The following PTPN12 variants were observed in gnomAD, a reference collection of about 807,000 sequenced individuals.
PTPN12 encodes the protein protein tyrosine phosphatase non-receptor type 12.
In PTPN12, 29 loss-of-function variants were observed where a neutral mutation model predicts 97.6. That is an observed-to-expected ratio of 0.30 (90% CI 0.22 to 0.41). The LOEUF is 0.41. PTPN12 is among the 10% of genes least tolerant of loss of function. PTPN12 has a pLI of 1.00. For synonymous variants in PTPN12, 327 were observed against 300.4 expected (o/e 1.09, Z -0.91); for missense variants, 819 against 926.0 (o/e 0.88, Z 1.50).
intron 11 of PTPN12, among the ~76,000 whole-genome samples, chr7:77,618,215 G>C (rs769720397): frequency 6.6e-6 from 1 of 151,836 alleles, no homozygotes. Flanking sequence ...GTTTTTTTAC[G>C]GTAGCATTTG....
At chr7:77,549,574 G>GT (rs1807385867) in intron 1 of PTPN12, among the ~76,000 whole-genome samples, 1 of 148,354 alleles carries the variant, frequency 6.7e-6, no homozygotes, top group African/African-American at 2.5e-5. Flanking sequence ...TTGGGTTTTT[G>GT]TTTGTTTGTT....
At chr7:77,592,473 T>C (rs986393216) in intron 6 of PTPN12, 3 of 439,256 alleles carry the variant, frequency 6.8e-6, no homozygotes, top group Admixed American at 8.2e-5. Context: ...TCTTACTATA[T>C]TGATTGTGTG....
At chr7:77,637,885 G>A (rs1322557414) in intron 16 of PTPN12, among the ~76,000 whole-genome samples, 1 of 134,830 alleles carries the variant, frequency 7.4e-6, no homozygotes, top group Admixed American at 7.6e-5. Context: ...AACAAGTAGA[G>A]TTATTATTTC....
chr7:77,537,367 A>G lies in PTPN12; in HGVS notation c.-180A>G. The G allele has an allele frequency of 1.3e-6, 1 of 791,370 alleles. No individual in the cohort carries two copies. The highest frequency in any genetic ancestry group is 4.6e-5 in the Admixed American group (1 of 21,512). 49.0% of individuals were successfully genotyped at this position (791,370 alleles called of 1,614,324 possible). A position where few individuals can be genotyped will look rare whatever the true frequency, so the allele number is the denominator to read the frequency against. On this transcript the variant is annotated 5_prime_UTR_variant, in exon 1 of 18. Coordinates refer to ENST00000248594, the MANE Select transcript of PTPN12 (RefSeq NM_002835.4). ...CTGGAAGTTGTGGTGTCGGGAGCCC[A>G]GCCGGTGCCGCCGCAGCCGCCGCCT...
At chr7:77,560,556 C>T (rs1390398003) in intron 1 of PTPN12, among the ~76,000 whole-genome samples, 1 of 152,198 alleles carries the variant, frequency 6.6e-6, no homozygotes, top group Non-Finnish European at 1.5e-5. Flanking sequence ...AACTCATTCT[C>T]CTCCTTCCTC....
chr7:77,588,022 T>G lies in PTPN12; in HGVS notation c.420+2441T>G, dbSNP rs570586928. Among the ~76,000 whole-genome samples the G allele has an allele frequency of 2.0e-5, 3 of 152,352 alleles. No homozygotes were observed. The East Asian group carries it at 5.8e-4, about 29-fold the overall frequency. On this transcript the variant is annotated intron_variant, in intron 5 of 17. Transcript: ENST00000248594. ...TAGAAATGTTGCAGCTGGTTTGATCTTCTATCTAGACCACTAAAACTTTCT... is the reference window on the plus strand; with the variant it reads ...TAGAAATGTTGCAGCTGGTTTGATCGTCTATCTAGACCACTAAAACTTTCT...
rs968139659 is a variant in PTPN12, at chr7:77,639,201, G to T, written c.2282-18G>T. 2.5e-6 allele frequency: 4 copies of T among 1,597,480 alleles called. No individual in the cohort carries two copies. Among genetic ancestry groups the T allele is most frequent in the Non-Finnish European group, 3.4e-6 (4 of 1,166,594 alleles). ...TATTTCTGAACACTGACTAGTTATT[G>T]TGGTGTTTTCACTGTAGGTTTTGGT... On this transcript the variant is annotated intron_variant, in intron 17 of 17. Transcript: ENST00000248594.
chr7:77,604,209 C>CTTTTTTTTTTTTTTTTTTTTTTTTT (rs71082768), intron 8 of PTPN12, among the ~76,000 whole-genome samples: 5 of 52,790 alleles, frequency 9.5e-5, no homozygotes, highest in Admixed American at 3.4e-4. Context: ...TTTTTTCTTC[C>CTTTTTTTTTTTTTTTTTTTTTTTTT]TTTTTTTTTT....
rs139313506 is a variant in PTPN12, at chr7:77,539,347, T to C, written c.99+1702T>C. 2.9e-3 allele frequency among the ~76,000 whole-genome samples: 445 copies of C among 152,306 alleles called. 1 individual carries two copies. Among genetic ancestry groups the C allele is most frequent in the Middle Eastern group, 0.02 (6 of 294 alleles). Reference sequence around the variant, plus strand: ...AATCTAACTTATTCCTTATTAAAAATAAAAATATTGCTTATATTTAAACAT... The same window carrying C: ...AATCTAACTTATTCCTTATTAAAAACAAAAATATTGCTTATATTTAAACAT... On this transcript the variant is annotated intron_variant, in intron 1 of 17. Transcript: ENST00000248594.
rs145330807 is a variant in PTPN12, at chr7:77,554,250, C to T, written c.99+16605C>T. On this transcript the variant is annotated intron_variant, in intron 1 of 17. Transcript: ENST00000248594. ...AAAGTATTGGGATTATAGGCATGAG[C>T]CACTGTGCCCAGCTGGGTGTTTTCA... is the stretch of plus-strand genomic sequence containing the variant. 6.1e-3 allele frequency among the ~76,000 whole-genome samples: 935 copies of T among 152,356 alleles called. 5 individuals are homozygous for T. Among genetic ancestry groups the T allele is most frequent in the Middle Eastern group, 0.037 (11 of 294 alleles).
intron 1 of PTPN12, among the ~76,000 whole-genome samples, chr7:77,567,304 T>A (rs1808305161): frequency 6.6e-6 from 1 of 152,142 alleles, no homozygotes; most frequent in Non-Finnish European, 1.5e-5. Context: ...ATTCTCTTTA[T>A]ATATTTATCA....
At chr7:77,603,486 G>A (rs1472863357) in intron 8 of PTPN12, among the ~76,000 whole-genome samples, 1 of 152,160 alleles carries the variant, frequency 6.6e-6, no homozygotes, top group Non-Finnish European at 1.5e-5. Context: ...ATACAGTATT[G>A]TTTTGTTTTA....
intron 3 of PTPN12, among the ~76,000 whole-genome samples, chr7:77,582,880 A>T (rs1787567933): frequency 6.6e-6 from 1 of 152,210 alleles, no homozygotes; most frequent in African/African-American, 2.4e-5. Flanking sequence ...TAACAAAGTT[A>T]AAAACCAAAA....
chr7:77,559,556 T>G (rs931109485), intron 1 of PTPN12, among the ~76,000 whole-genome samples: 16 of 151,298 alleles, frequency 1.1e-4, no homozygotes, highest in Admixed American at 8.6e-4. Flanking sequence ...GAGATACTAC[T>G]TTAGGTAAAT....
intron 6 of PTPN12, among the ~76,000 whole-genome samples, chr7:77,596,032 G>A (rs181522205): frequency 6.6e-6 from 1 of 152,282 alleles, no homozygotes; most frequent in African/African-American, 2.4e-5. Flanking sequence ...AAAATCATGT[G>A]TTATGGAAAG....
rs117525540 is a variant in PTPN12 at position 77,547,269 on chromosome 7, T to C, written c.99+9624T>C. ...GTTTTTGAATTGACAGTTGAAAACA[T>C]GGCAGTACTCTGTTCAGGAAGTTTA... On this transcript the variant is annotated intron_variant, in intron 1 of 17. Coordinates refer to ENST00000248594, the MANE Select transcript of PTPN12 (RefSeq NM_002835.4). Among the ~76,000 whole-genome samples the C allele has an allele frequency of 5.9e-4, 90 of 152,274 alleles. 1 individual carries two copies. The East Asian group carries it at 0.017, about 29-fold the overall frequency.
At chr7:77,607,211 G>A (rs768493533) in intron 8 of PTPN12, 24 bp from the exon 9 acceptor site, 2 of 1,536,678 alleles carry the variant, frequency 1.3e-6, no homozygotes, top group Non-Finnish European at 1.8e-6. Flanking sequence ...AAAATCAATT[G>A]TTTTTCAAAC....
chr7:77,541,971 A>G (rs1367065942), intron 1 of PTPN12, among the ~76,000 whole-genome samples: 2 of 151,278 alleles, frequency 1.3e-5, no homozygotes, highest in African/African-American at 4.9e-5. Flanking sequence ...ATAAATGTAT[A>G]AAGTAGGGTG....
intron 14 of PTPN12, among the ~76,000 whole-genome samples, chr7:77,633,289 T>G (rs1335256980): frequency 6.6e-6 from 1 of 150,780 alleles, no homozygotes; most frequent in African/African-American, 2.4e-5. Flanking sequence ...AATGCAATTA[T>G]AAGTGTATTT....
Sources: allele counts gnomAD v4.1 joint callset (sites outside exome capture counted in the v4.1 genomes callset), GRCh38; gene constraint gnomAD v4.1.1; transcripts MANE v1.5; gene names NCBI Gene and HGNC (gene_info 2026-07-23, HGNC 2026-07-21).